EIF2B3: variants seen among roughly 807,000 people sequenced by gnomAD.
EIF2B3 encodes the protein translation initiation factor eIF2B subunit gamma.
EIF2B3 carries 20 observed loss-of-function variants against 54.1 expected under a neutral mutation model. That is an observed-to-expected ratio of 0.37 (90% CI 0.26 to 0.54). The LOEUF (loss-of-function observed/expected upper bound fraction) is 0.54. Among genes scored for constraint, EIF2B3 ranks in the 20% least tolerant of loss-of-function variants. The probability of loss-of-function intolerance (pLI) is 0.86; values close to 1 mark genes in which losing one functional copy is unlikely to be tolerated. For missense variants in EIF2B3, 448 were observed against 547.8 expected, an observed-to-expected ratio of 0.82 and a Z score of 1.82; for synonymous variants, 153 against 188.1, an observed-to-expected ratio of 0.81 and a Z score of 1.52.
chr1:44,854,407 T>G (rs1654375166), intron 11 of EIF2B3, among the ~76,000 whole-genome samples: 3 of 151,804 alleles, frequency 2.0e-5, no homozygotes, highest in Admixed American at 1.3e-4. Flanking sequence ...ATGAGAGTAT[T>G]GGGATGGGGT....
chr1:44,890,158 A>T (rs1310158803), intron 6 of EIF2B3, among the ~76,000 whole-genome samples: 12 of 152,042 alleles, frequency 7.9e-5, no homozygotes, highest in Non-Finnish European at 1.8e-4. Context: ...TCTTTTTGGG[A>T]TCCAGGATCT....
At chr1:44,900,480 A>T (rs1260237528) in intron 5 of EIF2B3, among the ~76,000 whole-genome samples, 1 of 150,626 alleles carries the variant, frequency 6.6e-6, no homozygotes, top group African/African-American at 2.4e-5. Context: ...GGAACAACAG[A>T]CAACAAGGAT....
intron 5 of EIF2B3, among the ~76,000 whole-genome samples, chr1:44,920,713 C>T (rs966195450): frequency 1.3e-5 from 2 of 152,194 alleles, no homozygotes; most frequent in Admixed American, 6.5e-5. Flanking sequence ...TAGTAAATGA[C>T]AGGATCTCAT....
chr1:44,938,897 C>T (rs919221214), intron 4 of EIF2B3, among the ~76,000 whole-genome samples: 4 of 150,700 alleles, frequency 2.7e-5, no homozygotes, highest in Admixed American at 1.3e-4. Context: ...CTCAAGAGTT[C>T]GAGGCCAGCC....
intron 8 of EIF2B3, among the ~76,000 whole-genome samples, chr1:44,875,934 G>C (rs1221226602): frequency 6.6e-6 from 1 of 152,228 alleles, no homozygotes; most frequent in South Asian, 2.1e-4. Context: ...GCAGGCGCGC[G>C]CCGCCACGCC....
chr1:44,973,542 A>T (rs1014609698), intron 3 of EIF2B3, among the ~76,000 whole-genome samples: 3 of 152,176 alleles, frequency 2.0e-5, no homozygotes, highest in Non-Finnish European at 2.9e-5. Context: ...TACTAAAAAT[A>T]CAAAAACTAG....
rs1644038053 is a variant in EIF2B3 at position 44,942,401 on chromosome 1, ATATATATATATATATATTTTTTTTTTTTT to A, written c.295-765_295-737del. ...TTTATATATATATATATATATATAT[ATATATATATATATATATTTTTTTTTTTTT>A]TTTTTTTTTTTTTTCCAGACAGGGT... On this transcript the variant is annotated intron_variant, in intron 3 of 11. Coordinates refer to ENST00000360403, the MANE Select transcript of EIF2B3 (RefSeq NM_020365.5). Among the ~76,000 whole-genome samples the A allele has an allele frequency of 1.2e-4, 2 of 16,674 alleles. 1 individual carries two copies. The highest frequency in any genetic ancestry group is 3.9e-3 in the South Asian group (2 of 510). The allele number at this position is 16,674 out of a possible 152,430, so 10.9% of individuals were successfully genotyped here. A position where few individuals can be genotyped will look rare whatever the true frequency, so the allele number is the denominator to read the frequency against.
chr1:44,881,886 C>T lies in EIF2B3; in HGVS notation c.657-147G>A, dbSNP rs1655413971. On this transcript the variant is annotated intron_variant, in intron 6 of 11. Coordinates refer to ENST00000360403, the MANE Select transcript of EIF2B3 (RefSeq NM_020365.5). This position sits in a 1 kb window ranked among gnomAD's most constrained non-coding sequence, Gnocchi z 4.0. ...GAGATCAAATGTGGCATTGACTTGGCAGTTCGGAGAAGCAGAGTGCTTCCT... is the reference window on the plus strand; with the variant it reads ...GAGATCAAATGTGGCATTGACTTGGTAGTTCGGAGAAGCAGAGTGCTTCCT... 6 of 1,103,804 alleles carry T rather than the reference C, an allele frequency of 5.4e-6. No homozygotes were observed. Among genetic ancestry groups the T allele is most frequent in the Admixed American group, 2.0e-5 (1 of 49,424 alleles). The allele number at this position is 1,103,804 out of a possible 1,614,324, so 68.4% of individuals were successfully genotyped here. A position where few individuals can be genotyped will look rare whatever the true frequency, so the allele number is the denominator to read the frequency against.
intron 4 of EIF2B3, among the ~76,000 whole-genome samples, chr1:44,939,101 CAAAAAAAAAA>C (rs35410499): frequency 1.8e-5 from 1 of 56,302 alleles, no homozygotes; most frequent in Admixed American, 2.1e-4. Context: ...GACCCTGTCT[CAAAAAAAAAA>C]AAAAAAAAAA....
At chr1:44,864,733 G>A (rs1654715411) in intron 10 of EIF2B3, among the ~76,000 whole-genome samples, 1 of 152,130 alleles carries the variant, frequency 6.6e-6, no homozygotes, top group Non-Finnish European at 1.5e-5. Context: ...GGTGACACAG[G>A]TCCTGAGCCC....
chr1:44,860,161 T>C (rs1228654970), intron 10 of EIF2B3, among the ~76,000 whole-genome samples: 1 of 151,786 alleles, frequency 6.6e-6, no homozygotes, highest in Non-Finnish European at 1.5e-5. Context: ...AGTAATTTCT[T>C]TTTTTTGAGA....
At chr1:44,884,503 T>G (rs1197887120) in intron 6 of EIF2B3, among the ~76,000 whole-genome samples, 1 of 152,202 alleles carries the variant, frequency 6.6e-6, no homozygotes, top group Non-Finnish European at 1.5e-5. Flanking sequence ...TTCTGCAATT[T>G]TTAAAGAATC....
In EIF2B3 at chr1:44,881,440, C is replaced by T. The variant is rs2148905701; in HGVS notation, c.784+172G>A. Among the ~76,000 whole-genome samples the T allele has an allele frequency of 6.6e-6, 1 of 152,314 alleles. No homozygotes were observed. Among genetic ancestry groups the T allele is most frequent in the East Asian group, 1.9e-4 (1 of 5,182 alleles). ...CCGAGAGCACAGTGGCAGAATCTGC[C>T]TGAGCAAGCTTACCCAGAGCTCAGT... On this transcript the variant is annotated intron_variant, in intron 7 of 11. Coordinates refer to ENST00000360403, the MANE Select transcript of EIF2B3 (RefSeq NM_020365.5). The surrounding 1 kb of genome is among the most constrained non-coding windows in gnomAD (Gnocchi z 4.0).
intron 4 of EIF2B3, among the ~76,000 whole-genome samples, chr1:44,941,148 G>A (rs1288100495): frequency 6.6e-6 from 1 of 152,216 alleles, no homozygotes; most frequent in Non-Finnish European, 1.5e-5. Context: ...GTCTCCCAAA[G>A]TGCTGGGATC....
At chr1:44,884,474 G>A (rs1655513837) in intron 6 of EIF2B3, among the ~76,000 whole-genome samples, 1 of 152,128 alleles carries the variant, frequency 6.6e-6, no homozygotes, top group African/African-American at 2.4e-5. Flanking sequence ...ATGAACCCTG[G>A]AGCTACACAG....
chr1:44,934,600 G>A (rs183212023), intron 4 of EIF2B3, among the ~76,000 whole-genome samples: 1,556 of 151,980 alleles, frequency 0.01, 29 homozygotes, highest in African/African-American at 0.035. Context: ...CACCTCCCAG[G>A]TTCAAGCAAT....
intron 6 of EIF2B3, among the ~76,000 whole-genome samples, chr1:44,882,676 A>G (rs1231144409): frequency 6.8e-6 from 1 of 147,036 alleles, no homozygotes; most frequent in Non-Finnish European, 1.5e-5. Flanking sequence ...GTGCAGTGGC[A>G]TGATCTCAGC....
At chr1:44,958,571 A>G (rs1644251425) in intron 3 of EIF2B3, 3 of 1,436,166 alleles carry the variant, frequency 2.1e-6, no homozygotes, top group East Asian at 4.6e-5. Context: ...CTTTGTGTGA[A>G]GACATGCTAC....
At chr1:44,938,266 A>C (rs1244061533) in intron 4 of EIF2B3, among the ~76,000 whole-genome samples, 1 of 152,186 alleles carries the variant, frequency 6.6e-6, no homozygotes, top group African/African-American at 2.4e-5. Context: ...ATTCTATGGG[A>C]GGAATTTAAA....
Sources: gnomAD v4.1 joint callset for allele counts (sites outside exome capture counted in the v4.1 genomes callset) on GRCh38, gnomAD v4.1.1 for gene constraint, Gnocchi (gnomAD v3.1) non-coding constraint, MANE v1.5 for transcripts, NCBI Gene and HGNC (gene_info 2026-07-23, HGNC 2026-07-21) for gene names.